The following CACNA1D variants were observed in gnomAD, a reference collection of about 807,000 sequenced individuals.
CACNA1D encodes calcium voltage-gated channel subunit alpha1 D.
Under a neutral mutation model 257.1 loss-of-function variants are expected in CACNA1D, and 55 were observed. That is an observed-to-expected ratio of 0.21 (90% CI 0.17 to 0.27). The LOEUF is 0.27. CACNA1D is among the 10% of genes least tolerant of loss of function. The pLI is 1.00. For missense variants in CACNA1D, 1,876 were observed against 2,784.0 expected, an observed-to-expected ratio of 0.67 and a Z score of 7.34; for synonymous variants, 980 against 1,014.9, an observed-to-expected ratio of 0.97 and a Z score of 0.65.
intron 8 of CACNA1D, among the ~76,000 whole-genome samples, chr3:53,694,463 C>T (rs1359913810): frequency 3.3e-5 from 5 of 152,180 alleles, no homozygotes; most frequent in Admixed American, 6.5e-5. Context: ...ATGACCTCCC[C>T]GTGAGCCACA....
chr3:53,655,275 C>T (rs1170020410), intron 4 of CACNA1D, among the ~76,000 whole-genome samples: 4 of 152,148 alleles, frequency 2.6e-5, no homozygotes, highest in African/African-American at 9.7e-5. Context: ...CCACAGTGAA[C>T]ATTAACATGC....
At chr3:53,628,035 A>G (rs761991615) in intron 3 of CACNA1D, among the ~76,000 whole-genome samples, 21 of 152,072 alleles carry the variant, frequency 1.4e-4, no homozygotes, top group Non-Finnish European at 2.6e-4. Flanking sequence ...AAATAAATAA[A>G]TAAAATAAAA....
intron 8 of CACNA1D, among the ~76,000 whole-genome samples, chr3:53,688,421 G>A (rs2094492142): frequency 6.6e-6 from 1 of 152,164 alleles, no homozygotes; most frequent in African/African-American, 2.4e-5. Context: ...CCAAATCAAG[G>A]CTTTTTCTTC....
intron 10 of CACNA1D, 99 bp downstream of exon 10, chr3:53,718,487 C>T (rs1459753676): frequency 1.6e-5 from 19 of 1,166,168 alleles, no homozygotes; most frequent in Middle Eastern, 1.9e-4. Flanking sequence ...CCCGGGCCAT[C>T]GCCTTGGGTG....
chr3:53,500,642 C>T (rs2107117319), intron 2 of CACNA1D, among the ~76,000 whole-genome samples: 1 of 152,288 alleles, frequency 6.6e-6, no homozygotes, highest in African/African-American at 2.4e-5. Flanking sequence ...AAATCAAGCC[C>T]AGGAATTGCA....
At chr3:53,714,271 G>A (rs374605264) in intron 9 of CACNA1D, among the ~76,000 whole-genome samples, 1 of 152,252 alleles carries the variant, frequency 6.6e-6, no homozygotes, top group African/African-American at 2.4e-5. Flanking sequence ...GGTCTGAGGG[G>A]TCTGCCTGCA....
intron 9 of CACNA1D, among the ~76,000 whole-genome samples, chr3:53,717,646 C>G (rs2094833671): frequency 6.6e-6 from 1 of 152,176 alleles, no homozygotes; most frequent in Non-Finnish European, 1.5e-5. Context: ...CTTCTTCTTC[C>G]ACTCGTAACA....
chr3:53,735,496 G>T lies in CACNA1D; in HGVS notation c.2744G>T (p.Arg915Leu). Residue 915 changes from arginine to leucine, a missense_variant, in exon 20 of 48, where the codon CGG becomes CTG. Around this residue, in one of 10 missense-constraint regions of CACNA1D, gnomAD observed 271 missense variants for 425.5 expected, o/e 0.64. Coordinates refer to ENST00000350061, the MANE Select transcript of CACNA1D (RefSeq NM_001128840.3). ...AEDPIRSHSF[R>L]NTILGYFDYA... ...GACCCCATCCGCAGCCACTCCTTCC[G>T]GAACACGGTAAGTCCCCAGGGTGGG... is the stretch of plus-strand genomic sequence containing the variant. 1 of 1,614,086 alleles carries T rather than the reference G, an allele frequency of 6.2e-7. No individual in the cohort carries two copies. Among genetic ancestry groups the T allele is most frequent in the Non-Finnish European group, 8.5e-7 (1 of 1,180,038 alleles).
intron 3 of CACNA1D, among the ~76,000 whole-genome samples, chr3:53,570,055 A>G: frequency 6.6e-6 from 1 of 152,090 alleles, no homozygotes; most frequent in East Asian, 1.9e-4. Flanking sequence ...ACTTTTTGGA[A>G]AAAAAAATGT....
Position 53,747,393 on chromosome 3 carries a change from G to A in CACNA1D, c.3259G>A (p.Val1087Ile), listed in dbSNP as rs768995869. ...AAACAGTGATTTCAACTTCGACAAC[G>A]TCCTCTCTGCTATGATGGCGCTCTT... ...WQNSDFNFDN[V>I]LSAMMALFTV... Residue 1087 changes from valine to isoleucine, a missense_variant, in exon 26 of 48, where the codon GTC becomes ATC. Physicochemically the swap from Val to Ile is conservative, Grantham distance 29. Coordinates refer to ENST00000350061, the MANE Select transcript of CACNA1D (RefSeq NM_001128840.3). 12 of 1,614,052 alleles carry A rather than the reference G, an allele frequency of 7.4e-6. No homozygotes were observed. The highest frequency in any genetic ancestry group is 1.6e-4 in the Middle Eastern group (1 of 6,084).
chr3:53,674,466 CT>C (rs1436837142), intron 8 of CACNA1D, among the ~76,000 whole-genome samples: 7 of 152,348 alleles, frequency 4.6e-5, no homozygotes, highest in African/African-American at 1.7e-4. Context: ...TTCCCATGGC[CT>C]TACAGAGACC....
chr3:53,561,279 A>G (rs1488427745), intron 3 of CACNA1D, among the ~76,000 whole-genome samples: 1 of 152,212 alleles, frequency 6.6e-6, no homozygotes, highest in Non-Finnish European at 1.5e-5. Flanking sequence ...ATAATGGTAT[A>G]GGTCATTGAA....
At chr3:53,810,780 A>AAAAAAAAAAAAAAAC (rs1559732992) in intron 47 of CACNA1D, among the ~76,000 whole-genome samples, 1 of 131,906 alleles carries the variant, frequency 7.6e-6, no homozygotes, top group Non-Finnish European at 1.6e-5. Flanking sequence ...AAAAAAAAAA[A>AAAAAAAAAAAAAAAC]AAAAAACAAA....
At chr3:53,807,198 A>G (rs905321169) in intron 45 of CACNA1D, among the ~76,000 whole-genome samples, 1 of 152,060 alleles carries the variant, frequency 6.6e-6, no homozygotes, top group Non-Finnish European at 1.5e-5. Context: ...CACATACAGG[A>G]GAGGGACCGC....
At chr3:53,739,925 A>T (rs2095099070) in intron 20 of CACNA1D, among the ~76,000 whole-genome samples, 1 of 152,272 alleles carries the variant, frequency 6.6e-6, no homozygotes, top group South Asian at 2.1e-4. Context: ...GAAAATGTGT[A>T]TAAGCCTCTA....
intron 2 of CACNA1D, among the ~76,000 whole-genome samples, chr3:53,500,253 T>TAAAAAAAA (rs55823212): frequency 1.5e-4 from 6 of 40,950 alleles, no homozygotes; most frequent in East Asian, 1.9e-3. Context: ...CTGTCTCTAC[T>TAAAAAAAA]AAAAAAAAAA....
intron 3 of CACNA1D, among the ~76,000 whole-genome samples, chr3:53,649,245 G>A (rs1469109373): frequency 6.6e-6 from 1 of 152,072 alleles, no homozygotes; most frequent in South Asian, 2.1e-4. Flanking sequence ...CAGGCTTATG[G>A]GAATCATCCT....
rs1033155518 is a variant in CACNA1D, at chr3:53,722,177, G to C, written c.1506-137G>C. ...AAGTCTGTTAATTTCTGTGCCATTT[G>C]TGCTCATCTTTCTTTCCTGCACTCC... is the stretch of plus-strand genomic sequence containing the variant. On this transcript the variant is annotated intron_variant, in intron 11 of 47. Coordinates refer to ENST00000350061, the MANE Select transcript of CACNA1D (RefSeq NM_001128840.3). 2.7e-5 allele frequency: 21 copies of C among 781,858 alleles called. No homozygotes were observed. In the Middle Eastern group the frequency reaches 1.1e-3, roughly 40 times the overall value. The allele number at this position is 781,858 out of a possible 1,614,324, so 48.4% of individuals were successfully genotyped here.
intron 3 of CACNA1D, chr3:53,530,188 G>A (rs2091902400): frequency 6.6e-6 from 1 of 152,252 alleles, no homozygotes; most frequent in African/African-American, 2.4e-5. Context: ...ATCAATTTCA[G>A]TAAAGTAGAA....
Sources: allele counts gnomAD v4.1 joint callset (sites outside exome capture counted in the v4.1 genomes callset), GRCh38; gene constraint gnomAD v4.1.1; regional missense constraint gnomAD v4.1.1; transcripts MANE v1.5; gene names NCBI Gene and HGNC (gene_info 2026-07-23, HGNC 2026-07-21).